STX1A: variants seen among roughly 807,000 people sequenced by gnomAD.
STX1A encodes the protein syntaxin-1A.
Under a neutral mutation model 37.8 loss-of-function variants are expected in STX1A, and 4 were observed. The ratio of observed to expected loss-of-function variants is 0.11; its 90% CI spans 0.05 to 0.24. STX1A has a LOEUF of 0.24. Ranked by LOEUF, STX1A falls within the 10% of genes least tolerant of loss-of-function variation. STX1A has a pLI of 1.00. For synonymous variants in STX1A, 135 were observed against 147.4 expected, an observed-to-expected ratio of 0.92 and a Z score of 0.61; for missense variants, 251 against 399.9, an observed-to-expected ratio of 0.63 and a Z score of 3.18.
At chr7:73,712,441 C>G (rs934391679) in intron 1 of STX1A, among the ~76,000 whole-genome samples, 3 of 151,724 alleles carry the variant, frequency 2.0e-5, no homozygotes, top group Admixed American at 2.0e-4. Context: ...CCTTCTTCCT[C>G]GATGCCACCT....
rs548422838 is a variant in STX1A, at chr7:73,706,427, C to G, written c.209-1203G>C. 6.6e-5 allele frequency among the ~76,000 whole-genome samples: 10 copies of G among 152,240 alleles called. No homozygotes were observed. In the East Asian group the frequency reaches 1.9e-3, roughly 29 times the overall value. ...GCCTGCCTTGCCCGGGAGAGCCCCC[C>G]ACTCATTGCCATCTTTCCTTGAGAC... On this transcript the variant is annotated intron_variant, in intron 3 of 9. Transcript: ENST00000222812. This position sits in a 1 kb window ranked among gnomAD's most constrained non-coding sequence, Gnocchi z 4.6.
Position 73,708,622 on chromosome 7 carries a change from T to C in STX1A, c.175A>G (p.Ser59Gly), listed in dbSNP as rs1316169178. 3 of 1,614,060 alleles carry C rather than the reference T, an allele frequency of 1.9e-6. No individual in the cohort carries two copies. Among genetic ancestry groups the C allele is most frequent in the Non-Finnish European group, 2.5e-6 (3 of 1,180,024 alleles). The change falls in exon 3 of 10, where the codon AGT becomes GGT. Residue 59 changes from serine (S) to glycine (G), a missense_variant. Ser to Gly is a moderately conservative substitution (Grantham distance 56). Coordinates refer to ENST00000222812, the MANE Select transcript of STX1A (RefSeq NM_004603.4). ...GGGTTGGGGGATGCCAGGATGGCAC[T>C]GTGCTTCCGCTTCACCTCCTCCACG... is the stretch of plus-strand genomic sequence containing the variant. ...ENVEEVKRKH[S>G]AILASPNPDE...
chr7:73,702,856 C>T lies in STX1A; in HGVS notation c.667G>A (p.Val223Met). The change falls in exon 8 of 10, where the codon GTG (valine) becomes ATG (methionine). Residue 223 changes from valine (V) to methionine (M), a missense_variant. Physicochemically the swap from Val to Met is conservative, Grantham distance 21. Transcript: ENST00000222812. This position sits in a 1 kb window ranked among gnomAD's most constrained non-coding sequence, Gnocchi z 4.7. Reference sequence around the variant, plus strand: ...GGCCCGGCACTCACCTGGCTCTCCACGAGCATGGCCATGTCCATGAACATG... The same window carrying T: ...GGCCCGGCACTCACCTGGCTCTCCATGAGCATGGCCATGTCCATGAACATG... ...HDMFMDMAML[V>M]ESQGEMIDRI... 4 of 1,613,890 alleles carry T rather than the reference C, an allele frequency of 2.5e-6. No homozygotes were observed. The highest frequency in any genetic ancestry group is 3.4e-6 in the Non-Finnish European group (4 of 1,180,000).
rs1799025388 is a variant in STX1A at position 73,709,655 on chromosome 7, C to G, written c.31-533G>C. Among the ~76,000 whole-genome samples, 1 of 152,134 alleles carries G rather than the reference C, an allele frequency of 6.6e-6. No individual in the cohort carries two copies. The highest frequency in any genetic ancestry group is 6.5e-5 in the Admixed American group (1 of 15,280). On this transcript the variant is annotated intron_variant, in intron 1 of 9. Coordinates refer to ENST00000222812, the MANE Select transcript of STX1A (RefSeq NM_004603.4). This position sits in a 1 kb window ranked among gnomAD's most constrained non-coding sequence, Gnocchi z 4.2. ...CCTTAAACACCTGGGCTCAAGCGAT[C>G]CTCCCAACTCAGCATCCCGAGTAGC...
In STX1A at chr7:73,705,393, G is replaced by A; in HGVS notation, c.209-169C>T. The A allele has an allele frequency of 1.6e-6, 1 of 617,022 alleles. No individual in the cohort carries two copies. Among genetic ancestry groups the A allele is most frequent in the Non-Finnish European group, 2.9e-6 (1 of 347,546 alleles). The allele number at this position is 617,022 out of a possible 1,614,324, so 38.2% of individuals were successfully genotyped here. On this transcript the variant is annotated intron_variant, in intron 3 of 9. Transcript: ENST00000222812. This position sits in a 1 kb window ranked among gnomAD's most constrained non-coding sequence, Gnocchi z 5.2. ...GCCCGCCCCCCTCCCCCAATTCTGG[G>A]CCAGGGCTGCACCAGCTGCAGCTTC...
At chr7:73,712,039 T>C (rs1484253503) in intron 1 of STX1A, among the ~76,000 whole-genome samples, 3 of 151,984 alleles carry the variant, frequency 2.0e-5, no homozygotes, top group African/African-American at 7.3e-5. Context: ...CCTCCGTCTA[T>C]GAGGGTAGGG....
At chr7:73,714,476 C>T (rs1799219088) in intron 1 of STX1A, among the ~76,000 whole-genome samples, 1 of 152,096 alleles carries the variant, frequency 6.6e-6, no homozygotes, top group African/African-American at 2.4e-5. Flanking sequence ...TCATAGCTCA[C>T]TGCAGCCTTG....
At chr7:73,703,979 G>A in intron 6 of STX1A, 151 bp from the exon 7 acceptor site, 2 of 319,012 alleles carry the variant, frequency 6.3e-6, no homozygotes, top group Non-Finnish European at 4.5e-6. Flanking sequence ...CCTTAACACA[G>A]CAGCCGCCTC....
At chr7:73,703,554 CAG>C (rs781942947) in intron 7 of STX1A, 199 bp downstream of exon 7, 1 of 731,280 alleles carries the variant, frequency 1.4e-6, no homozygotes, top group African/African-American at 1.7e-5. Flanking sequence ...CATCAGGAGA[CAG>C]GGGTCTTGAG....
chr7:73,701,881 G>A (rs1798671608), intron 8 of STX1A, among the ~76,000 whole-genome samples: 1 of 152,174 alleles, frequency 6.6e-6, no homozygotes, highest in Non-Finnish European at 1.5e-5. Flanking sequence ...CTTGAGCCCA[G>A]GAGTTCCGAG....
Position 73,702,686 on chromosome 7 carries a change from C to T in STX1A, c.678+159G>A, listed in dbSNP as rs1554616057. On this transcript the variant is annotated intron_variant, in intron 8 of 9. Coordinates refer to ENST00000222812, the MANE Select transcript of STX1A (RefSeq NM_004603.4). The surrounding 1 kb of genome is among the most constrained non-coding windows in gnomAD (Gnocchi z 4.7). ...ATGCAGAGGACAGGGACCTTCGGGT[C>T]GGCAGGGCCCTGGCGGCAGTTTCAA... 1.1e-5 allele frequency: 16 copies of T among 1,492,272 alleles called. No homozygotes were observed. In the Admixed American group the frequency reaches 1.1e-4, roughly 10 times the overall value. The allele number at this position is 1,492,272 out of a possible 1,614,324, so 92.4% of individuals were successfully genotyped here.
Position 73,702,631 on chromosome 7 carries a change from G to T in STX1A, c.678+214C>A, listed in dbSNP as rs554134128. On this transcript the variant is annotated intron_variant, in intron 8 of 9. Transcript: ENST00000222812. The surrounding 1 kb of genome is among the most constrained non-coding windows in gnomAD (Gnocchi z 4.7). ...GGTATAGAGGGTGGGGCCATGCAGG[G>T]CCTGGGGTCCTTGAAGCTCAAGCAG... 47 of 1,411,744 alleles carry T rather than the reference G, an allele frequency of 3.3e-5. No homozygotes were observed. The highest frequency in any genetic ancestry group is 4.3e-5 in the Non-Finnish European group (46 of 1,073,010). 87.5% of individuals were successfully genotyped at this position (1,411,744 alleles called of 1,614,324 possible).
intron 1 of STX1A, among the ~76,000 whole-genome samples, chr7:73,710,811 A>C (rs1554617837): frequency 6.6e-6 from 1 of 152,216 alleles, no homozygotes; most frequent in African/African-American, 2.4e-5. Context: ...TCGCGTCAGG[A>C]CGGAGGCAGG....
chr7:73,704,038 C>G lies in STX1A; in HGVS notation c.466+110G>C, dbSNP rs530041734. 1,167 of 1,308,840 alleles carry G rather than the reference C, an allele frequency of 8.9e-4. 7 individuals carry two copies. The African/African-American group carries it at 0.012, about 13-fold the overall frequency. 81.1% of individuals were successfully genotyped at this position (1,308,840 alleles called of 1,614,324 possible). A position where few individuals can be genotyped will look rare whatever the true frequency, so the allele number is the denominator to read the frequency against. On this transcript the variant is annotated intron_variant, in intron 6 of 9. Coordinates refer to ENST00000222812, the MANE Select transcript of STX1A (RefSeq NM_004603.4). ...AACTCAGCAGCTGCCTCGGGCCACC[C>G]GCCTCGGGCCCCTAACTAAGCAGCA...
Position 73,700,693 on chromosome 7 carries a change from G to T in STX1A, c.789+37C>A. On this transcript the variant is annotated intron_variant, in intron 9 of 9. Transcript: ENST00000222812. This position sits in a 1 kb window ranked among gnomAD's most constrained non-coding sequence, Gnocchi z 4.4. ...GGATGGTTGGGGGTCCCTAATGGGT[G>T]CTGGGGCATGGCCTTGGGCAGGGCT... The T allele has an allele frequency of 6.2e-7, 1 of 1,611,870 alleles. No homozygotes were observed.
At chr7:73,703,910 A>T (rs1435947070) in intron 6 of STX1A, 82 bp from the exon 7 acceptor site, 1 of 1,320,336 alleles carries the variant, frequency 7.6e-7, no homozygotes, top group South Asian at 1.5e-5. Flanking sequence ...CCTCCGTCCC[A>T]GGCCCGGGCT....
intron 4 of STX1A, chr7:73,704,826 A>G: frequency 3.9e-6 from 2 of 516,312 alleles, no homozygotes; most frequent in Non-Finnish European, 7.0e-6. Flanking sequence ...GTGTCTGTTC[A>G]CCCAGAATAC....
intron 3 of STX1A, 26 bp downstream of exon 3, chr7:73,708,563 A>G: frequency 6.2e-7 from 1 of 1,604,104 alleles, no homozygotes; most frequent in East Asian, 2.3e-5. Context: ...GGGGCCTGAA[A>G]CCCGTCCCCC....
Position 73,709,070 on chromosome 7 carries a change from C to T in STX1A, c.83G>A (p.Arg28His), listed in dbSNP as rs375523583. 17 of 1,613,926 alleles carry T rather than the reference C, an allele frequency of 1.1e-5. 1 individual carries two copies. The highest frequency in any genetic ancestry group is 1.4e-5 in the Non-Finnish European group (16 of 1,179,992). ...DDVAVTVDRD[R>H]FMDEFFEQVE... The stretch of plus-strand genomic sequence containing the variant: ...CTGCTCAAAGAACTCATCCATGAAG[C>T]GGTCTCGGTCCACGGTGACAGCGAC... The change falls in exon 2 of 10, where the codon CGC becomes CAC. Residue 28 changes from arginine to histidine, a missense_variant. By Grantham distance (29) the Arg-to-His change is conservative. Coordinates refer to ENST00000222812, the MANE Select transcript of STX1A (RefSeq NM_004603.4). This position sits in a 1 kb window ranked among gnomAD's most constrained non-coding sequence, Gnocchi z 4.2.
Sources: gnomAD v4.1 joint callset for allele counts (sites outside exome capture counted in the v4.1 genomes callset) on GRCh38, gnomAD v4.1.1 for gene constraint, Gnocchi (gnomAD v3.1) non-coding constraint, MANE v1.5 for transcripts, NCBI Gene and HGNC (gene_info 2026-07-23, HGNC 2026-07-21) for gene names.